Variants in VSTM2L observed in about 807,000 individuals in gnomAD.
VSTM2L encodes the protein V-set and transmembrane domain-containing protein 2-like protein.
In VSTM2L, 9 loss-of-function variants were observed where a neutral mutation model predicts 19.9. That is an observed-to-expected ratio of 0.45 (90% CI 0.27 to 0.79). VSTM2L has a LOEUF of 0.79. VSTM2L is among the 30% of genes least tolerant of loss of function. The pLI is 0.15. For missense variants in VSTM2L, 286 were observed against 295.5 expected (o/e 0.97, Z 0.24); for synonymous variants, 127 against 133.8 (o/e 0.95, Z 0.35).
intron 1 of VSTM2L, among the ~76,000 whole-genome samples, chr20:37,910,351 G>A (rs1480430907): frequency 6.6e-6 from 1 of 152,182 alleles, no homozygotes; most frequent in African/African-American, 2.4e-5. Flanking sequence ...TTGGAGACCC[G>A]GGGGCATCCA....
chr20:37,940,269 G>A (rs562531052), intron 3 of VSTM2L, among the ~76,000 whole-genome samples: 1 of 152,348 alleles, frequency 6.6e-6, no homozygotes, highest in South Asian at 2.1e-4. Flanking sequence ...GGACAGGGTG[G>A]GCTCCAGCAG....
chr20:37,914,357 G>GA (rs2072800043), intron 1 of VSTM2L, among the ~76,000 whole-genome samples: 1 of 148,766 alleles, frequency 6.7e-6, no homozygotes. Context: ...ATGTGTGTGG[G>GA]GTGTTTATAT....
At chr20:37,916,262 G>A (rs898607455) in intron 1 of VSTM2L, among the ~76,000 whole-genome samples, 3 of 152,176 alleles carry the variant, frequency 2.0e-5, no homozygotes, top group Non-Finnish European at 2.9e-5. Flanking sequence ...CGGTAGAGAC[G>A]TCGGGACGCC....
At chr20:37,914,726 T>C (rs1230955731) in intron 1 of VSTM2L, among the ~76,000 whole-genome samples, 1 of 152,170 alleles carries the variant, frequency 6.6e-6, no homozygotes, top group African/African-American at 2.4e-5. Context: ...CGGGCTCCCA[T>C]TCAACACGCC....
chr20:37,933,916 C>T (rs6096976), intron 3 of VSTM2L, among the ~76,000 whole-genome samples: 1 of 152,148 alleles, frequency 6.6e-6, no homozygotes. Flanking sequence ...CCTGAGCCAG[C>T]TTTTTTTGGC....
At chr20:37,934,994 G>A (rs557778878) in intron 3 of VSTM2L, among the ~76,000 whole-genome samples, 21 of 152,208 alleles carry the variant, frequency 1.4e-4, no homozygotes, top group African/African-American at 4.8e-4. Context: ...ATACCCATCC[G>A]TTAAGCCCAG....
chr20:37,906,514 G>C (rs1006628799), intron 1 of VSTM2L, among the ~76,000 whole-genome samples: 3 of 152,262 alleles, frequency 2.0e-5, no homozygotes, highest in Non-Finnish European at 4.4e-5. Flanking sequence ...TGTGCCCCGT[G>C]CTGCCAAGCC....
chr20:37,940,648 T>G (rs1158836900), intron 3 of VSTM2L, among the ~76,000 whole-genome samples: 3 of 152,294 alleles, frequency 2.0e-5, no homozygotes, highest in East Asian at 1.9e-4. Context: ...ATCTGCAAAG[T>G]GGATATCGTT....
intron 1 of VSTM2L, among the ~76,000 whole-genome samples, chr20:37,922,649 G>T (rs1327502697): frequency 1.3e-5 from 2 of 152,214 alleles, no homozygotes; most frequent in African/African-American, 4.8e-5. Context: ...GGAGGAGGCA[G>T]CCTCCCACCA....
intron 1 of VSTM2L, among the ~76,000 whole-genome samples, chr20:37,914,357 G>A (rs1568835213): frequency 6.5e-4 from 97 of 148,866 alleles, no homozygotes; most frequent in Middle Eastern, 3.6e-3. Context: ...ATGTGTGTGG[G>A]GTGTTTATAT....
intron 1 of VSTM2L, among the ~76,000 whole-genome samples, chr20:37,908,015 T>C (rs547829145): frequency 6.8e-4 from 103 of 152,334 alleles, no homozygotes; most frequent in African/African-American, 2.3e-3. Flanking sequence ...AATGTGTTCG[T>C]CTTTGTCTCG....
intron 1 of VSTM2L, among the ~76,000 whole-genome samples, chr20:37,929,965 G>A (rs1056910875): frequency 1.3e-5 from 2 of 152,182 alleles, no homozygotes; most frequent in Non-Finnish European, 1.5e-5. Context: ...TGGGCTATGT[G>A]TGATGGCGCC....
At position 37,936,729 on chromosome 20, in the gene VSTM2L, G is replaced by A. The variant is rs149626857; in HGVS notation, c.342+3140G>A. On this transcript the variant is annotated intron_variant, in intron 3 of 3. Transcript: ENST00000373461. ...GGAGCTGAGTCCTGGTTCCAGCTCT[G>A]CCACCTCCTCGACTCTCCCTTTTCC... Among the ~76,000 whole-genome samples, 176 of 152,268 alleles carry A rather than the reference G, an allele frequency of 1.2e-3. 1 individual carries two copies. The highest frequency in any genetic ancestry group is 4.0e-3 in the African/African-American group (167 of 41,552).
intron 3 of VSTM2L, among the ~76,000 whole-genome samples, chr20:37,941,128 G>A (rs965791078): frequency 1.3e-5 from 2 of 152,186 alleles, no homozygotes; most frequent in Non-Finnish European, 2.9e-5. Flanking sequence ...GATTATTTAC[G>A]GAGTGCTGGG....
chr20:37,930,857 A>C (rs1308658691), intron 1 of VSTM2L, among the ~76,000 whole-genome samples: 1 of 152,172 alleles, frequency 6.6e-6, no homozygotes, highest in East Asian at 1.9e-4. Flanking sequence ...CGCAACTGCC[A>C]GCGGCAGGAG....
chr20:37,937,775 A>G (rs150758700), intron 3 of VSTM2L, among the ~76,000 whole-genome samples: 137 of 152,294 alleles, frequency 9.0e-4, no homozygotes, highest in African/African-American at 3.2e-3. Context: ...TAAAAAATAC[A>G]ATTACAACTG....
chr20:37,921,818 C>CTCTT (rs1244077567), intron 1 of VSTM2L, among the ~76,000 whole-genome samples: 2 of 143,182 alleles, frequency 1.4e-5, no homozygotes, highest in Non-Finnish European at 1.5e-5. Flanking sequence ...TTTTCTTTCT[C>CTCTT]TCTTTCTTTC....
At chr20:37,915,379 C>A (rs2072812636) in intron 1 of VSTM2L, among the ~76,000 whole-genome samples, 1 of 152,064 alleles carries the variant, frequency 6.6e-6, no homozygotes, top group South Asian at 2.1e-4. Flanking sequence ...GGGGCCCAAC[C>A]CCTTCAGCCA....
intron 1 of VSTM2L, among the ~76,000 whole-genome samples, chr20:37,929,600 C>T (rs895681070): frequency 1.3e-5 from 2 of 152,144 alleles, no homozygotes; most frequent in East Asian, 1.9e-4. Flanking sequence ...TGTCAAGGTA[C>T]GTCTGGCTGC....
Sources: allele counts gnomAD v4.1 joint callset (sites outside exome capture counted in the v4.1 genomes callset), GRCh38; gene constraint gnomAD v4.1.1; transcripts MANE v1.5; gene names NCBI Gene and HGNC (gene_info 2026-07-23, HGNC 2026-07-21).